CDH13: variants seen among roughly 807,000 people sequenced by gnomAD.
CDH13 encodes cadherin-13.
A neutral mutation model predicts 63.8 loss-of-function variants in CDH13; 24 were observed. That is an observed-to-expected ratio of 0.38 (90% CI 0.27 to 0.53). The LOEUF is 0.53. CDH13 is among the 20% of genes least tolerant of loss of function. CDH13 has a pLI of 0.85. For synonymous variants in CDH13, 503 were observed against 355.3 expected (o/e 1.42, Z -4.67); for missense variants, 1,049 against 903.1 (o/e 1.16, Z -2.07).
intron 8 of CDH13, among the ~76,000 whole-genome samples, chr16:83,631,404 C>A (rs182982319): frequency 3.9e-5 from 6 of 152,224 alleles, no homozygotes; most frequent in African/African-American, 1.4e-4. Flanking sequence ...GAAGAAACAT[C>A]ATGTTAACTT....
intron 6 of CDH13, among the ~76,000 whole-genome samples, chr16:83,401,338 CAA>C (rs550232099): frequency 5.2e-5 from 6 of 115,066 alleles, no homozygotes; most frequent in Non-Finnish European, 3.7e-5. Flanking sequence ...GACTCCATCT[CAA>C]AAAAAAAAAA....
intron 10 of CDH13, among the ~76,000 whole-genome samples, chr16:83,738,436 T>C (rs1911741849): frequency 1.3e-5 from 2 of 152,258 alleles, no homozygotes; most frequent in South Asian, 2.1e-4. Flanking sequence ...TTTAATTTTT[T>C]TCTTTTTTCT....
intron 2 of CDH13, among the ~76,000 whole-genome samples, chr16:82,987,419 C>T (rs1425333285): frequency 6.6e-6 from 1 of 152,102 alleles, no homozygotes; most frequent in Non-Finnish European, 1.5e-5. Context: ...ATCTGTCTCC[C>T]AGGCTGGAAT....
intron 2 of CDH13, among the ~76,000 whole-genome samples, chr16:82,981,181 G>A (rs893557971): frequency 3.3e-5 from 5 of 152,154 alleles, no homozygotes; most frequent in Non-Finnish European, 7.4e-5. Context: ...TCAAAAGGAG[G>A]GCAATAGTAA....
At chr16:83,414,244 C>T (rs1157065263) in intron 6 of CDH13, among the ~76,000 whole-genome samples, 1 of 152,118 alleles carries the variant, frequency 6.6e-6, no homozygotes, top group Admixed American at 6.6e-5. Context: ...TTTGTCGTAG[C>T]AGTTGTTGTT....
chr16:83,346,657 A>G (rs541833191), intron 6 of CDH13, among the ~76,000 whole-genome samples: 58 of 152,202 alleles, frequency 3.8e-4, no homozygotes, highest in Non-Finnish European at 7.6e-4. Context: ...CCTGTCCTTA[A>G]AGTTTAGAAA....
chr16:83,581,310 T>C (rs1403351243), intron 7 of CDH13, among the ~76,000 whole-genome samples: 1 of 152,232 alleles, frequency 6.6e-6, no homozygotes, highest in Non-Finnish European at 1.5e-5. Flanking sequence ...TAAACATTGA[T>C]AGAATGTCAG....
chr16:83,780,557 A>G (rs1015695303), intron 12 of CDH13, among the ~76,000 whole-genome samples: 1 of 152,190 alleles, frequency 6.6e-6, no homozygotes, highest in African/African-American at 2.4e-5. Flanking sequence ...GCAGGTTTTT[A>G]CATACATACA....
intron 3 of CDH13, among the ~76,000 whole-genome samples, chr16:83,104,745 T>C (rs909567108): frequency 6.6e-6 from 1 of 152,144 alleles, no homozygotes. Context: ...AAGGGGGCAA[T>C]TGACTTTGGT....
intron 1 of CDH13, among the ~76,000 whole-genome samples, chr16:82,797,416 C>G (rs994702561): frequency 6.6e-6 from 1 of 152,296 alleles, no homozygotes; most frequent in East Asian, 1.9e-4. Flanking sequence ...TGCCGCCAGA[C>G]CTTTACCCAT....
chr16:83,770,639 C>G (rs1914698637), intron 11 of CDH13, among the ~76,000 whole-genome samples: 1 of 152,204 alleles, frequency 6.6e-6, no homozygotes, highest in Non-Finnish European at 1.5e-5. Flanking sequence ...TGATGATATG[C>G]TAAACAAGGG....
intron 11 of CDH13, among the ~76,000 whole-genome samples, chr16:83,753,072 A>G (rs1003684392): frequency 6.6e-6 from 1 of 152,342 alleles, no homozygotes; most frequent in East Asian, 1.9e-4. Flanking sequence ...TAACATACAA[A>G]ACCATCGTTA....
chr16:83,732,514 G>C (rs1278305871), intron 10 of CDH13, among the ~76,000 whole-genome samples: 4 of 152,154 alleles, frequency 2.6e-5, no homozygotes, highest in African/African-American at 7.2e-5. Context: ...TCACTCTCCT[G>C]TTCTGTGAGC....
At chr16:83,151,261 G>A (rs1432155897) in intron 4 of CDH13, among the ~76,000 whole-genome samples, 1 of 152,164 alleles carries the variant, frequency 6.6e-6, no homozygotes, top group Non-Finnish European at 1.5e-5. Flanking sequence ...AAACATGTGT[G>A]AGACTAACTG....
chr16:83,086,883 C>A (rs72796277), intron 3 of CDH13, among the ~76,000 whole-genome samples: 1 of 152,076 alleles, frequency 6.6e-6, no homozygotes. Context: ...AAGAATTAGA[C>A]TTGGCAGAAA....
chr16:83,232,548 A>C (rs1316986075), intron 5 of CDH13, among the ~76,000 whole-genome samples: 7,691 of 122,892 alleles, frequency 0.063, 377 homozygotes, highest in African/African-American at 0.14. Flanking sequence ...ACAACAACAA[A>C]CAAACAAAAA....
At chr16:83,545,450 A>G (rs73607814) in intron 7 of CDH13, among the ~76,000 whole-genome samples, 3 of 152,352 alleles carry the variant, frequency 2.0e-5, no homozygotes, top group Non-Finnish European at 2.9e-5. Flanking sequence ...AGATCCAGCC[A>G]CATCTTTCTC....
At chr16:83,564,381 T>G (rs1598296520) in intron 7 of CDH13, among the ~76,000 whole-genome samples, 1 of 145,862 alleles carries the variant, frequency 6.9e-6, no homozygotes. Context: ...TTGAAAAAGG[T>G]GACATATGGG....
At chr16:83,452,069 C>G (rs1056461810) in intron 6 of CDH13, among the ~76,000 whole-genome samples, 1 of 152,126 alleles carries the variant, frequency 6.6e-6, no homozygotes, top group Non-Finnish European at 1.5e-5. Flanking sequence ...GCCCTAATGT[C>G]ACACGCACTC....
Sources: allele counts gnomAD v4.1 joint callset (sites outside exome capture counted in the v4.1 genomes callset), GRCh38; gene constraint gnomAD v4.1.1; transcripts MANE v1.5; gene names NCBI Gene and HGNC (gene_info 2026-07-23, HGNC 2026-07-21).